The following CDYL2 variants were observed in gnomAD, a reference collection of about 807,000 sequenced individuals.
The protein encoded by CDYL2 is chromodomain Y like 2.
Under a neutral mutation model 49.4 loss-of-function variants are expected in CDYL2, and 23 were observed. The observed-to-expected ratio is 0.47, with a 90% CI of 0.34 to 0.66. The LOEUF is 0.66. Among genes scored for constraint, CDYL2 ranks in the 30% least tolerant of loss-of-function variants. The pLI, the probability that CDYL2 is intolerant of heterozygous loss-of-function variation, is 0.01. For missense variants in CDYL2, 678 were observed against 656.4 expected (o/e 1.03, Z -0.36); for synonymous variants, 360 against 268.8 (o/e 1.34, Z -3.32).
At chr16:80,767,267 T>C (rs1302628397) in intron 1 of CDYL2, among the ~76,000 whole-genome samples, 2 of 152,226 alleles carry the variant, frequency 1.3e-5, no homozygotes, top group East Asian at 1.9e-4. Flanking sequence ...AACTGCATTT[T>C]TGCACAGAAT....
At chr16:80,767,645 C>A (rs1906770228) in intron 1 of CDYL2, among the ~76,000 whole-genome samples, 1 of 152,116 alleles carries the variant, frequency 6.6e-6, no homozygotes, top group Admixed American at 6.5e-5. Context: ...GTAGACAAGG[C>A]ATAGAAGGTG....
intron 4 of CDYL2, among the ~76,000 whole-genome samples, chr16:80,618,853 G>C (rs752440314): frequency 2.6e-4 from 40 of 152,254 alleles, no homozygotes; most frequent in Non-Finnish European, 5.1e-4. Flanking sequence ...CCTAAGAGGA[G>C]AGCCTGAAAA....
chr16:80,733,509 CTT>C (rs992749627), intron 1 of CDYL2, among the ~76,000 whole-genome samples: 1 of 152,204 alleles, frequency 6.6e-6, no homozygotes, highest in African/African-American at 2.4e-5. Context: ...TGTGTCCTCT[CTT>C]TATACGCAGT....
At chr16:80,684,178 G>A (rs535254629) in intron 2 of CDYL2, among the ~76,000 whole-genome samples, 2 of 152,212 alleles carry the variant, frequency 1.3e-5, no homozygotes, top group Non-Finnish European at 2.9e-5. Flanking sequence ...GCACTGGCCC[G>A]CTGAGGACAC....
In CDYL2 at chr16:80,600,203, G is replaced by T. The variant is rs952443725; in HGVS notation, c.*4185C>A. ...TTCAAACGCAATTACTTCGAAAAAAGATTAACCTGCTCTCCAACAATATAA... is the reference window on the plus strand; with the variant it reads ...TTCAAACGCAATTACTTCGAAAAAATATTAACCTGCTCTCCAACAATATAA... On this transcript the variant is annotated 3_prime_UTR_variant, in exon 7 of 7. Transcript: ENST00000570137. 7.2e-5 allele frequency: 11 copies of T among 151,974 alleles called. No homozygotes were observed. The highest frequency in any genetic ancestry group is 6.6e-4 in the Admixed American group (10 of 15,242). The allele number at this position is 151,974 out of a possible 1,614,324, so 9.4% of individuals were successfully genotyped here. A position where few individuals can be genotyped will look rare whatever the true frequency, so the allele number is the denominator to read the frequency against.
intron 1 of CDYL2, among the ~76,000 whole-genome samples, chr16:80,726,610 T>C (rs1026389429): frequency 6.6e-6 from 1 of 152,058 alleles, no homozygotes; most frequent in African/African-American, 2.4e-5. Context: ...AAGAAAGAGA[T>C]GAATAATACC....
At chr16:80,607,537 C>G (rs1016614133) in intron 6 of CDYL2, among the ~76,000 whole-genome samples, 3 of 152,198 alleles carry the variant, frequency 2.0e-5, no homozygotes, top group African/African-American at 7.2e-5. Flanking sequence ...ATTCCCCTGC[C>G]GCGCTCTGAG....
chr16:80,741,189 A>G (rs1000245986), intron 1 of CDYL2, among the ~76,000 whole-genome samples: 1 of 149,064 alleles, frequency 6.7e-6, no homozygotes, highest in Non-Finnish European at 1.5e-5. Context: ...ACTATATAAG[A>G]TGTGTGTATA....
chr16:80,690,764 C>A (rs1388920892), intron 1 of CDYL2, among the ~76,000 whole-genome samples: 1 of 152,196 alleles, frequency 6.6e-6, no homozygotes, highest in Non-Finnish European at 1.5e-5. Flanking sequence ...GGATTAGCCT[C>A]CTGCGCTGGC....
At chr16:80,657,712 G>C (rs1298996356) in intron 2 of CDYL2, among the ~76,000 whole-genome samples, 4 of 152,038 alleles carry the variant, frequency 2.6e-5, no homozygotes, top group African/African-American at 9.7e-5. Context: ...ATACAGAAAG[G>C]TACAAGTGTG....
chr16:80,647,626 A>C (rs1319748330), intron 2 of CDYL2, among the ~76,000 whole-genome samples: 1 of 152,212 alleles, frequency 6.6e-6, no homozygotes, highest in Non-Finnish European at 1.5e-5. Context: ...AGTATTGGAC[A>C]GATCTTCCAG....
chr16:80,639,772 T>C (rs1295600885), intron 2 of CDYL2: 4 of 455,318 alleles, frequency 8.8e-6, no homozygotes, highest in South Asian at 4.7e-5. Context: ...CCTGAAGCAG[T>C]AGTGTGGTAT....
At chr16:80,762,225 A>G (rs1474313222) in intron 1 of CDYL2, among the ~76,000 whole-genome samples, 1 of 152,162 alleles carries the variant, frequency 6.6e-6, no homozygotes, top group Admixed American at 6.5e-5. Context: ...GGCTACATCT[A>G]TTGTCCAGAA....
At chr16:80,765,574 A>G (rs1456433984) in intron 1 of CDYL2, among the ~76,000 whole-genome samples, 2 of 152,040 alleles carry the variant, frequency 1.3e-5, no homozygotes, top group Admixed American at 6.6e-5. Context: ...TAAACCTAAG[A>G]GAAATGAAAG....
intron 1 of CDYL2, among the ~76,000 whole-genome samples, chr16:80,758,407 G>A (rs1472580190): frequency 1.3e-5 from 2 of 152,090 alleles, no homozygotes; most frequent in East Asian, 1.9e-4. Context: ...TTTGCAAGGG[G>A]TTGGGGAGGT....
intron 1 of CDYL2, among the ~76,000 whole-genome samples, chr16:80,690,348 C>T (rs1910366599): frequency 1.3e-5 from 2 of 151,674 alleles, no homozygotes; most frequent in Non-Finnish European, 2.9e-5. Flanking sequence ...AGGGAGACCA[C>T]CCCCTCCTCC....
chr16:80,648,276 C>T (rs150651242), intron 2 of CDYL2, among the ~76,000 whole-genome samples: 1 of 151,832 alleles, frequency 6.6e-6, no homozygotes, highest in African/African-American at 2.4e-5. Flanking sequence ...CTAAGAAAAA[C>T]AGAGAGAAGA....
intron 5 of CDYL2, among the ~76,000 whole-genome samples, 159 bp from the exon 6 acceptor site, chr16:80,608,394 T>C (rs1489244210): frequency 6.6e-6 from 1 of 152,164 alleles, no homozygotes; most frequent in Non-Finnish European, 1.5e-5. Context: ...TTGGGAATTG[T>C]ATGGAAATGT....
Position 80,704,062 on chromosome 16 carries a change from C to T in CDYL2, c.25-18933G>A, listed in dbSNP as rs186541654. On this transcript the variant is annotated intron_variant, in intron 1 of 6. Transcript: ENST00000570137. ...AAGGTGACCAGTAAAAACTCCACTA[C>T]CTGAGTAGAGCAAAATGTCTGTTTG... 8.0e-4 allele frequency among the ~76,000 whole-genome samples: 122 copies of T among 152,290 alleles called. No homozygotes were observed. The Middle Eastern group carries it at 0.014, about 17-fold the overall frequency.
Sources: gnomAD v4.1 joint callset for allele counts (sites outside exome capture counted in the v4.1 genomes callset) on GRCh38, gnomAD v4.1.1 for gene constraint, MANE v1.5 for transcripts, NCBI Gene and HGNC (gene_info 2026-07-23, HGNC 2026-07-21) for gene names.